Variants in MIER3 observed in about 807,000 individuals in gnomAD.
The protein encoded by MIER3 is mesoderm induction early response protein 3.
In MIER3, 9 loss-of-function variants were observed where a neutral mutation model predicts 63.2. The ratio of observed to expected loss-of-function variants is 0.14; its 90% CI spans 0.09 to 0.25. The LOEUF (loss-of-function observed/expected upper bound fraction) is 0.25, where lower values mean the gene tolerates loss of function less well. Ranked by LOEUF, MIER3 falls within the 10% of genes least tolerant of loss-of-function variation. MIER3 has a pLI of 1.00. For missense variants in MIER3, 512 were observed against 666.2 expected (o/e 0.77, Z 2.55); for synonymous variants, 205 against 224.9 (o/e 0.91, Z 0.79).
intron 9 of MIER3, among the ~76,000 whole-genome samples, chr5:56,930,198 C>T (rs2112097885): frequency 6.6e-6 from 1 of 151,900 alleles, no homozygotes; most frequent in African/African-American, 2.4e-5. Context: ...CCTTGACACA[C>T]ACAAAACATA....
intron 5 of MIER3, chr5:56,937,002 G>A (rs1750469407): frequency 6.6e-6 from 1 of 152,098 alleles, no homozygotes; most frequent in Non-Finnish European, 1.5e-5. Context: ...GATTACCATA[G>A]CAACAGATGA....
intron 1 of MIER3, among the ~76,000 whole-genome samples, chr5:56,951,293 C>T (rs559848610): frequency 3.3e-5 from 5 of 152,218 alleles, no homozygotes; most frequent in East Asian, 3.9e-4. Flanking sequence ...GTCAGCGCGC[C>T]CCCCGCCCCA....
chr5:56,946,801 C>T lies in MIER3; in HGVS notation c.180+125G>A, dbSNP rs536041711. The T allele has an allele frequency of 5.5e-5, 39 of 712,782 alleles. No homozygotes were observed. The African/African-American group carries it at 7.1e-4, about 13-fold the overall frequency. 44.2% of individuals were successfully genotyped at this position (712,782 alleles called of 1,614,324 possible). A position where few individuals can be genotyped will look rare whatever the true frequency, so the allele number is the denominator to read the frequency against. On this transcript the variant is annotated intron_variant, in intron 3 of 12. Transcript: ENST00000381199. ...ATGAAAGCATACTTATTAGGCTATC[C>T]CCCAAAATAAGAGTGAAAAAAAAAA... is the stretch of plus-strand genomic sequence containing the variant.
chr5:56,934,295 A>G (rs547288229), intron 7 of MIER3, among the ~76,000 whole-genome samples: 159 of 152,358 alleles, frequency 1.0e-3, no homozygotes, highest in Non-Finnish European at 1.8e-3. Context: ...AGTTAAAAAT[A>G]AAGTGTGCCT....
rs993146317 is a variant in MIER3, at chr5:56,920,512, A to G, written c.*2616T>C. ...AGAATTGTGCTTAACACTTGATAAT[A>G]AAGGCATTATTGTTTCTTCACATGA... On this transcript the variant is annotated 3_prime_UTR_variant, in exon 13 of 13. Coordinates refer to ENST00000381199, the MANE Select transcript of MIER3 (RefSeq NM_001297599.2). 1.3e-4 allele frequency: 20 copies of G among 152,606 alleles called. No individual in the cohort carries two copies. Among genetic ancestry groups the G allele is most frequent in the African/African-American group, 4.8e-4 (20 of 41,466 alleles). 9.5% of individuals were successfully genotyped at this position (152,606 alleles called of 1,614,324 possible).
chr5:56,941,130 T>A, intron 3 of MIER3: 1 of 985,420 alleles, frequency 1.0e-6, no homozygotes, highest in Non-Finnish European at 1.2e-6. Flanking sequence ...AGGAATTCAG[T>A]CTTAGTGGGA....
In MIER3 at chr5:56,923,122, C is replaced by A. The variant is rs764747917; in HGVS notation, c.*6G>T. On this transcript the variant is annotated 3_prime_UTR_variant, in exon 13 of 13. Coordinates refer to ENST00000381199, the MANE Select transcript of MIER3 (RefSeq NM_001297599.2). ...TGCACACGCAGTTCCGGGATCCTCA[C>A]TCAGGTCACTCAGAGTGTAGGGCCG... is the stretch of plus-strand genomic sequence containing the variant. 4.3e-6 allele frequency: 7 copies of A among 1,610,488 alleles called. No individual in the cohort carries two copies. The highest frequency in any genetic ancestry group is 1.1e-5 in the South Asian group (1 of 91,028).
intron 5 of MIER3, among the ~76,000 whole-genome samples, chr5:56,937,285 T>C (rs907723090): frequency 6.6e-6 from 1 of 151,946 alleles, no homozygotes; most frequent in African/African-American, 2.4e-5. Context: ...CCATGTTGGC[T>C]AGGCTGGTCT....
chr5:56,935,462 G>A lies in MIER3; in HGVS notation c.561C>T (p.Pro187=), dbSNP rs1187623552. The A allele has an allele frequency of 1.9e-6, 3 of 1,595,086 alleles. No individual in the cohort carries two copies. Among genetic ancestry groups the A allele is most frequent in the Non-Finnish European group, 2.6e-6 (3 of 1,174,562 alleles). ...TACCATCGTACTCTCCAAGATAAGG[G>A]GGAATCTCTGCCTGATATTGTAAAC... ...MIGLQYQAEI[P]PYLGEYDGNE... Residue 187 remains proline, a synonymous_variant, in exon 7 of 13, where the codon CCC becomes CCT. Transcript: ENST00000381199.
Position 56,923,687 on chromosome 5 carries a change from T to G in MIER3, c.1195+4A>C. 1 of 1,614,206 alleles carries G rather than the reference T, an allele frequency of 6.2e-7. No individual in the cohort carries two copies. The highest frequency in any genetic ancestry group is 8.5e-7 in the Non-Finnish European group (1 of 1,180,026). ...TACTAAATGCAGAAAGGTCTTCATT[T>G]TACCTGTCAAGTCACTGGCAGTGAA... On this transcript the variant is annotated splice_donor_region_variant and intron_variant, in intron 12 of 12. Transcript: ENST00000381199.
intron 9 of MIER3, among the ~76,000 whole-genome samples, chr5:56,930,045 ATT>A (rs1750205459): frequency 6.6e-6 from 1 of 152,170 alleles, no homozygotes; most frequent in Non-Finnish European, 1.5e-5. Context: ...TAAATGTATT[ATT>A]TTTAGTTTTA....
chr5:56,947,374 T>C (rs1023268903), intron 2 of MIER3, among the ~76,000 whole-genome samples: 4 of 152,226 alleles, frequency 2.6e-5, no homozygotes, highest in East Asian at 1.9e-4. Context: ...AACATTCTAA[T>C]AGAAAAAGTC....
intron 10 of MIER3, among the ~76,000 whole-genome samples, chr5:56,927,221 C>T (rs1480897284): frequency 2.0e-5 from 3 of 151,974 alleles, no homozygotes; most frequent in Admixed American, 6.6e-5. Flanking sequence ...ACATGAAGAG[C>T]GAACCTTAAT....
At position 56,923,731 on chromosome 5, in the gene MIER3, C is replaced by T; in HGVS notation, c.1155G>A (p.Gln385=). 1.2e-6 allele frequency: 2 copies of T among 1,614,202 alleles called. No homozygotes were observed. Among genetic ancestry groups the T allele is most frequent in the Non-Finnish European group, 1.7e-6 (2 of 1,180,032 alleles). The part of the protein sequence containing the change: ...SNRPEPIPDQ[Q]LNILNSFTAS... ...CAGTGAAGGAGTTGAGAATGTTTAG[C>T]TGTTGATCAGGAATAGGCTCAGGCC... The change falls in exon 12 of 13, where the codon CAG becomes CAA. Residue 385 remains glutamine (Q), a synonymous_variant. Coordinates refer to ENST00000381199, the MANE Select transcript of MIER3 (RefSeq NM_001297599.2).
chr5:56,919,866 AAACT>A lies in MIER3; in HGVS notation c.*3258_*3261del, dbSNP rs1749585397. The A allele has an allele frequency of 6.6e-6, 1 of 152,630 alleles. No homozygotes were observed. The highest frequency in any genetic ancestry group is 2.4e-5 in the African/African-American group (1 of 41,458). 9.5% of individuals were successfully genotyped at this position (152,630 alleles called of 1,614,324 possible). A position where few individuals can be genotyped will look rare whatever the true frequency, so the allele number is the denominator to read the frequency against. ...TTAATATCTACCATATTTAACAATAAAACTAATAGTTTCCTCCATTTAGTGAAAA... is the reference window on the plus strand; with the variant it reads ...TTAATATCTACCATATTTAACAATAAAATAGTTTCCTCCATTTAGTGAAAA... On this transcript the variant is annotated 3_prime_UTR_variant, in exon 13 of 13. Transcript: ENST00000381199.
intron 4 of MIER3, chr5:56,938,456 G>A (rs1012237639): frequency 9.0e-6 from 4 of 446,444 alleles, no homozygotes; most frequent in African/African-American, 2.0e-5. Flanking sequence ...GGATCACCGC[G>A]GTCTTGGCTG....
intron 10 of MIER3, among the ~76,000 whole-genome samples, chr5:56,925,901 ATAGAT>A (rs1749951606): frequency 6.6e-6 from 1 of 152,136 alleles, no homozygotes; most frequent in Non-Finnish European, 1.5e-5. Context: ...GGAAAGACAA[ATAGAT>A]TAAAGGAACA....
chr5:56,930,925 G>A (rs1295942216), intron 8 of MIER3, among the ~76,000 whole-genome samples, 180 bp from the exon 9 acceptor site: 1 of 152,182 alleles, frequency 6.6e-6, no homozygotes, highest in Non-Finnish European at 1.5e-5. Context: ...CATGCAGATT[G>A]ACTCTGGTAC....
intron 3 of MIER3, among the ~76,000 whole-genome samples, chr5:56,942,887 T>C (rs2112136045): frequency 6.6e-6 from 1 of 152,310 alleles, no homozygotes; most frequent in East Asian, 1.9e-4. Context: ...AGCTGCTGCC[T>C]GTAATCCCAG....
Sources: allele counts gnomAD v4.1 joint callset (sites outside exome capture counted in the v4.1 genomes callset), GRCh38; gene constraint gnomAD v4.1.1; transcripts MANE v1.5; gene names NCBI Gene and HGNC (gene_info 2026-07-23, HGNC 2026-07-21).